DDX5: variants seen among roughly 807,000 people sequenced by gnomAD.
DDX5 encodes the protein probable ATP-dependent RNA helicase DDX5.
In DDX5, 6 loss-of-function variants were observed where a neutral mutation model predicts 68.6. The ratio of observed to expected loss-of-function variants is 0.09; its 90% CI spans 0.05 to 0.17. The LOEUF is 0.17. DDX5 is among the 10% of genes least tolerant of loss of function. The probability of loss-of-function intolerance (pLI) is 1.00; values close to 1 mark genes in which losing one functional copy is unlikely to be tolerated. For synonymous variants in DDX5, 350 were observed against 247.0 expected (o/e 1.42, Z -3.91); for missense variants, 499 against 756.1 (o/e 0.66, Z 3.99).
intron 12 of DDX5, 46 bp from the exon 13 acceptor site, chr17:64,500,372 A>C (rs2038267185): frequency 6.4e-7 from 1 of 1,567,880 alleles, no homozygotes; most frequent in African/African-American, 1.4e-5. Flanking sequence ...TCTATGACAC[A>C]AATCATTGTG....
At position 64,499,548 on chromosome 17, in the gene DDX5, A is replaced by C. The variant is rs1555670571; in HGVS notation, c.*375T>G. ...GGAAAAAAAAAACCAAACAAAAACAAAAAAAAAACCAGACCATCTTAAGCA... is the reference window on the plus strand; with the variant it reads ...GGAAAAAAAAAACCAAACAAAAACACAAAAAAAACCAGACCATCTTAAGCA... On this transcript the variant is annotated 3_prime_UTR_variant, in exon 13 of 13. Coordinates refer to ENST00000225792, the MANE Select transcript of DDX5 (RefSeq NM_004396.5). 8.6e-6 allele frequency: 2 copies of C among 232,722 alleles called. No individual in the cohort carries two copies. The highest frequency in any genetic ancestry group is 1.7e-5 in the Non-Finnish European group (2 of 119,010). The allele number at this position is 232,722 out of a possible 1,614,324, so 14.4% of individuals were successfully genotyped here.
upstream of DDX5, chr17:64,506,512 A>C: frequency 2.7e-6 from 2 of 753,800 alleles, no homozygotes; most frequent in African/African-American, 1.8e-5. Flanking sequence ...TCTTGACCTC[A>C]CCTTCTTCTG....
chr17:64,506,679 C>T (rs538001572), upstream of DDX5: 1,564 of 355,594 alleles, frequency 4.4e-3, 19 homozygotes, highest in African/African-American at 0.033. Flanking sequence ...GCTGTACCAC[C>T]CCGGACCACC....
rs1568104186 is a variant in DDX5 at position 64,503,734 on chromosome 17, C to A, written c.507+69G>T. Reference sequence around the variant, plus strand: ...TATATAAAACCACCACAAATGATTACATCTTTAGCTATGTAGTCTAAAATC... The same window carrying A: ...TATATAAAACCACCACAAATGATTAAATCTTTAGCTATGTAGTCTAAAATC... On this transcript the variant is annotated intron_variant, in intron 5 of 12. Coordinates refer to ENST00000225792, the MANE Select transcript of DDX5 (RefSeq NM_004396.5). The A allele has an allele frequency of 1.9e-6, 3 of 1,556,790 alleles. No individual in the cohort carries two copies. The East Asian group carries it at 6.8e-5, about 35-fold the overall frequency.
At chr17:64,506,304 G>C, upstream of DDX5, 1 of 1,514,074 alleles carries the variant, frequency 6.6e-7, no homozygotes, top group Non-Finnish European at 8.8e-7. Context: ...GCCGCTTTCC[G>C]GCAGCCGCTT....
upstream of DDX5, chr17:64,506,748 A>T: frequency 2.2e-6 from 1 of 461,580 alleles, no homozygotes; most frequent in East Asian, 4.0e-5. Context: ...AAAACGAAAT[A>T]GCTCACCGGA....
In DDX5 at chr17:64,502,512, C is replaced by T; in HGVS notation, c.1021G>A (p.Glu341Lys). 6.2e-7 allele frequency: 1 copy of T among 1,613,550 alleles called. No homozygotes were observed. The highest frequency in any genetic ancestry group is 8.5e-7 in the Non-Finnish European group (1 of 1,179,696). Reference sequence around the variant, plus strand: ...TCCACAAAAACAATGGTTTTATTCTCCTTCTCACTCATGATCTCTTCCATT... The same window carrying T: ...TCCACAAAAACAATGGTTTTATTCTTCTTCTCACTCATGATCTCTTCCATT... ...RLMEEIMSEK[E>K]NKTIVFVETK... The change falls in exon 9 of 13, where the codon GAG becomes AAG. Residue 341 changes from glutamate (E) to lysine (K), a missense_variant. Transcript: ENST00000225792.
At position 64,504,670 on chromosome 17, in the gene DDX5, T is replaced by C. The variant is rs1156423613; in HGVS notation, c.210+7A>G. On this transcript the variant is annotated splice_region_variant and intron_variant, in intron 2 of 12. Transcript: ENST00000225792. ...ACAGCCTGATGAAGCCACATGAATT[T>C]ACTCACTGCTGTGCGCCTAGCCAAA... The C allele has an allele frequency of 3.7e-6, 6 of 1,600,106 alleles. No homozygotes were observed. Among genetic ancestry groups the C allele is most frequent in the Non-Finnish European group, 5.1e-6 (6 of 1,175,268 alleles).
At chr17:64,500,814 G>A (rs2038279235) in intron 11 of DDX5, 41 bp from the exon 12 acceptor site, 1 of 1,437,176 alleles carries the variant, frequency 7.0e-7, no homozygotes, top group African/African-American at 1.4e-5. Flanking sequence ...AATGTACGGA[G>A]TTTTGCACAC....
At chr17:64,502,711 T>C in intron 8 of DDX5, 162 bp from the exon 9 acceptor site, 4 of 716,154 alleles carry the variant, frequency 5.6e-6, no homozygotes, top group Non-Finnish European at 6.8e-6. Context: ...CCTTGGTCCT[T>C]AAGTCAACCA....
At position 64,504,665 on chromosome 17, in the gene DDX5, G is replaced by C; in HGVS notation, c.210+12C>G. On this transcript the variant is annotated intron_variant, in intron 2 of 12. Transcript: ENST00000225792. Reference sequence around the variant, plus strand: ...GAGTTACAGCCTGATGAAGCCACATGAATTTACTCACTGCTGTGCGCCTAG... The same window carrying C: ...GAGTTACAGCCTGATGAAGCCACATCAATTTACTCACTGCTGTGCGCCTAG... 6.3e-7 allele frequency: 1 copy of C among 1,596,984 alleles called. No individual in the cohort carries two copies. The highest frequency in any genetic ancestry group is 1.1e-5 in the South Asian group (1 of 88,058).
chr17:64,504,451 T>C lies in DDX5; in HGVS notation c.211-133A>G. On this transcript the variant is annotated intron_variant, in intron 2 of 12. Transcript: ENST00000225792. ...CTTCATTTTAATCTGGACCCACCTA[T>C]GAACACCCTATTATGAAAAAAAAAA... 6.4e-6 allele frequency: 6 copies of C among 931,578 alleles called. No homozygotes were observed. In the East Asian group the frequency reaches 7.8e-5, roughly 12 times the overall value. The allele number at this position is 931,578 out of a possible 1,614,324, so 57.7% of individuals were successfully genotyped here.
upstream of DDX5, chr17:64,506,293 GGCCGCTTTCCGGCA>G: frequency 6.6e-7 from 1 of 1,522,968 alleles, no homozygotes; most frequent in South Asian, 1.2e-5. Flanking sequence ...ATGAGGTGCC[GGCCGCTTTCCGGCA>G]GCCGCTTTTA....
rs782019264 is a variant in DDX5, at chr17:64,501,997, A to C, written c.1216+13T>G. 3.7e-6 allele frequency: 6 copies of C among 1,613,490 alleles called. No homozygotes were observed. In the Admixed American group the frequency reaches 8.3e-5, roughly 22 times the overall value. ...TCTGGGAAACCAAGCCATGAATGCG[A>C]GTTTGTACTAACCTAGCCCTCTGGA... On this transcript the variant is annotated intron_variant, in intron 11 of 12. Coordinates refer to ENST00000225792, the MANE Select transcript of DDX5 (RefSeq NM_004396.5).
chr17:64,502,377 C>A, intron 9 of DDX5, 62 bp downstream of exon 9: 1 of 1,451,266 alleles, frequency 6.9e-7, no homozygotes. Flanking sequence ...GCTCGTGATC[C>A]AAGTTTGCCC....
At position 64,506,097 on chromosome 17, in the gene DDX5, C is replaced by A; in HGVS notation, c.23G>T (p.Arg8Leu). The change falls in exon 1 of 13, where the codon CGA becomes CTA. Residue 8 changes from arginine to leucine, a missense_variant. This residue lies in a region of DDX5 where 140 missense variants were observed against 135.7 expected (regional missense o/e 1.03). Coordinates refer to ENST00000225792, the MANE Select transcript of DDX5 (RefSeq NM_004396.5). ...TCACCCTCGGTCCCGGCCGCGGTCT[C>A]GGTCACTCGAATAACCCGACATGGC... MSGYSSDRDRGRDRGFGA... is the reference protein window; with the variant it reads MSGYSSDLDRGRDRGFGA... 1 of 1,599,502 alleles carries A rather than the reference C, an allele frequency of 6.3e-7. No individual in the cohort carries two copies. The highest frequency in any genetic ancestry group is 2.3e-5 in the East Asian group (1 of 43,686).
intron 12 of DDX5, 41 bp downstream of exon 12, chr17:64,500,508 G>GT: frequency 6.3e-7 from 1 of 1,578,092 alleles, no homozygotes; most frequent in South Asian, 1.1e-5. Flanking sequence ...AGACAACGAT[G>GT]TGACTCGTAA....
At chr17:64,501,798 T>G (rs781798315) in intron 11 of DDX5, 2 of 595,688 alleles carry the variant, frequency 3.4e-6, no homozygotes, top group Non-Finnish European at 6.0e-6. Flanking sequence ...TTTTCACCTC[T>G]CTAATCGACT....
chr17:64,498,879 T>C lies in DDX5; in HGVS notation c.*1044A>G, dbSNP rs1356294296. Among the ~76,000 whole-genome samples the C allele has an allele frequency of 6.6e-6, 1 of 152,256 alleles. No individual in the cohort carries two copies. Among genetic ancestry groups the C allele is most frequent in the East Asian group, 1.9e-4 (1 of 5,206 alleles). On this transcript the variant is annotated 3_prime_UTR_variant, in exon 13 of 13. Transcript: ENST00000225792. ...TGAAAACTTTCATTCACTGTGCTTT[T>C]GGTTACGTTGCCTCCTGATTAGTCA...
Sources: allele counts gnomAD v4.1 joint callset (sites outside exome capture counted in the v4.1 genomes callset), GRCh38; gene constraint gnomAD v4.1.1; regional missense constraint gnomAD v4.1.1; transcripts MANE v1.5; gene names NCBI Gene and HGNC (gene_info 2026-07-23, HGNC 2026-07-21).